MEGF9: variants seen among roughly 807,000 people sequenced by gnomAD.
MEGF9 encodes multiple epidermal growth factor-like domains protein 9.
MEGF9 carries 6 observed loss-of-function variants against 46.8 expected under a neutral mutation model. That is an observed-to-expected ratio of 0.13 (90% CI 0.07 to 0.25). The LOEUF (loss-of-function observed/expected upper bound fraction) is 0.25. MEGF9 is among the 10% of genes least tolerant of loss of function. MEGF9 has a pLI of 1.00. For synonymous variants in MEGF9, 302 were observed against 330.7 expected (o/e 0.91, Z 0.94); for missense variants, 683 against 792.4 (o/e 0.86, Z 1.66).
intron 1 of MEGF9, among the ~76,000 whole-genome samples, chr9:120,673,830 C>T (rs1405079431): frequency 1.3e-5 from 2 of 151,802 alleles, no homozygotes; most frequent in East Asian, 1.9e-4. Flanking sequence ...ATTAGCTGGG[C>T]GCGGTGGCAG....
intron 1 of MEGF9, among the ~76,000 whole-genome samples, chr9:120,682,206 A>C (rs1286531769): frequency 1.3e-5 from 2 of 152,208 alleles, no homozygotes; most frequent in Non-Finnish European, 2.9e-5. Context: ...CAAAATACCC[A>C]AAATAATTCA....
At chr9:120,708,236 G>A (rs1193849571) in intron 1 of MEGF9, among the ~76,000 whole-genome samples, 2 of 151,658 alleles carry the variant, frequency 1.3e-5, no homozygotes, top group Non-Finnish European at 2.9e-5. Context: ...GTGGCGGCAT[G>A]CGCCTGTAGT....
In MEGF9 at chr9:120,605,941, A is replaced by G. The variant is rs1448805964; in HGVS notation, c.1358-300T>C. 6.6e-6 allele frequency among the ~76,000 whole-genome samples: 1 copy of G among 152,058 alleles called. No homozygotes were observed. Among genetic ancestry groups the G allele is most frequent in the African/African-American group, 2.4e-5 (1 of 41,406 alleles). On this transcript the variant is annotated intron_variant, in intron 5 of 5. Transcript: ENST00000373930. This position sits in a 1 kb window ranked among gnomAD's most constrained non-coding sequence, Gnocchi z 4.0. ...GTAATCCCAGCACTTTGGGCGGCCG[A>G]GGGTGGTGGATCACGAGGTCAGGAG...
chr9:120,632,715 G>T (rs1379917701), intron 2 of MEGF9, among the ~76,000 whole-genome samples: 2 of 152,186 alleles, frequency 1.3e-5, no homozygotes, highest in Non-Finnish European at 2.9e-5. Context: ...CACTCTGTAT[G>T]ATGCTGGCTG....
At chr9:120,606,617 T>G (rs141209634) in intron 5 of MEGF9, among the ~76,000 whole-genome samples, 84 of 152,312 alleles carry the variant, frequency 5.5e-4, no homozygotes, top group African/African-American at 1.9e-3. Context: ...TGGAATCAAA[T>G]AGAAGTGTGT....
At chr9:120,698,165 T>C (rs2043886977) in intron 1 of MEGF9, among the ~76,000 whole-genome samples, 1 of 152,352 alleles carries the variant, frequency 6.6e-6, no homozygotes, top group African/African-American at 2.4e-5. Flanking sequence ...TAATAGGTTA[T>C]AATAGGTGTA....
At chr9:120,625,068 G>A (rs2132305344) in intron 2 of MEGF9, among the ~76,000 whole-genome samples, 1 of 152,220 alleles carries the variant, frequency 6.6e-6, no homozygotes, top group Non-Finnish European at 1.5e-5. Flanking sequence ...GAGCCCAGGA[G>A]TTCTAGGCTG....
intron 1 of MEGF9, among the ~76,000 whole-genome samples, chr9:120,706,328 G>A (rs2043928769): frequency 6.6e-6 from 1 of 152,036 alleles, no homozygotes; most frequent in Admixed American, 6.6e-5. Context: ...TAATGTTCTG[G>A]AGTTTATGCT....
rs1001905763 is a variant in MEGF9, at chr9:120,604,580, A to G, written c.*610T>C. The stretch of plus-strand genomic sequence containing the variant: ...CTCCCCAATGCTGCCTTCCTCCCTT[A>G]GAAGCTTATCCTGTGCTTTCAACTC... On this transcript the variant is annotated 3_prime_UTR_variant, in exon 6 of 6. Transcript: ENST00000373930. 1 of 153,536 alleles carries G rather than the reference A, an allele frequency of 6.5e-6. No homozygotes were observed. Among genetic ancestry groups the G allele is most frequent in the African/African-American group, 2.4e-5 (1 of 41,428 alleles). The allele number at this position is 153,536 out of a possible 1,614,324, so 9.5% of individuals were successfully genotyped here. A position where few individuals can be genotyped will look rare whatever the true frequency, so the allele number is the denominator to read the frequency against.
rs2043967622 is a variant in MEGF9 at position 120,714,179 on chromosome 9, C to G, written c.180G>C (p.Arg60=). ...TAGGGAAGGGGTGGCTGGGCTCGCC[C>G]CGCAACCCGGGGCCCGGCGACGCGT... ...QVDASPGPGL[R]GEPSHPFPRA... Residue 60 remains arginine, a synonymous_variant, in exon 1 of 6, where the codon CGG becomes CGC. Coordinates refer to ENST00000373930, the MANE Select transcript of MEGF9 (RefSeq NM_001080497.3). 1 of 1,235,452 alleles carries G rather than the reference C, an allele frequency of 8.1e-7. No homozygotes were observed. Among genetic ancestry groups the G allele is most frequent in the African/African-American group, 1.6e-5 (1 of 64,304 alleles). 76.5% of individuals were successfully genotyped at this position (1,235,452 alleles called of 1,614,324 possible).
chr9:120,638,788 T>C (rs995674524), intron 2 of MEGF9, among the ~76,000 whole-genome samples: 2 of 152,210 alleles, frequency 1.3e-5, no homozygotes, highest in African/African-American at 4.8e-5. Flanking sequence ...CCATTTGAGT[T>C]TCCTCTTTTA....
At chr9:120,662,249 T>C (rs957468112) in intron 1 of MEGF9, among the ~76,000 whole-genome samples, 2 of 152,228 alleles carry the variant, frequency 1.3e-5, no homozygotes, top group African/African-American at 2.4e-5. Context: ...CAGTCTAATA[T>C]CTTCATTATT....
At chr9:120,712,512 G>A (rs2043958452) in intron 1 of MEGF9, among the ~76,000 whole-genome samples, 1 of 152,154 alleles carries the variant, frequency 6.6e-6, no homozygotes, top group African/African-American at 2.4e-5. Context: ...GCCAAAAGGG[G>A]TTACAGGTAA....
rs529606105 is a variant in MEGF9 at position 120,652,839 on chromosome 9, A to G, written c.803+6535T>C. The stretch of plus-strand genomic sequence containing the variant: ...ACCTTATTGTGTTACCAAGCACTAG[A>G]TCTTTATTCTTCTATCTAACTGTAT... On this transcript the variant is annotated intron_variant, in intron 2 of 5. Transcript: ENST00000373930. Among the ~76,000 whole-genome samples the G allele has an allele frequency of 1.4e-4, 22 of 152,286 alleles. 1 individual carries two copies. The highest frequency in any genetic ancestry group is 4.3e-4 in the African/African-American group (18 of 41,568).
intron 2 of MEGF9, among the ~76,000 whole-genome samples, chr9:120,629,430 A>C (rs1200448547): frequency 6.6e-6 from 1 of 152,150 alleles, no homozygotes; most frequent in African/African-American, 2.4e-5. Flanking sequence ...ACTTGAAGCC[A>C]GGAGTTCGAG....
At chr9:120,708,944 C>T (rs932718188) in intron 1 of MEGF9, among the ~76,000 whole-genome samples, 1 of 152,082 alleles carries the variant, frequency 6.6e-6, no homozygotes, top group Non-Finnish European at 1.5e-5. Flanking sequence ...TCTTAATGGG[C>T]TCAATGAGTC....
chr9:120,651,497 A>T (rs2043649255), intron 2 of MEGF9, among the ~76,000 whole-genome samples: 1 of 152,150 alleles, frequency 6.6e-6, no homozygotes, highest in South Asian at 2.1e-4. Flanking sequence ...TCCTGTACAA[A>T]TGAGAATAAT....
intron 3 of MEGF9, among the ~76,000 whole-genome samples, chr9:120,618,800 T>C (rs937913962): frequency 6.6e-6 from 1 of 151,118 alleles, no homozygotes; most frequent in Non-Finnish European, 1.5e-5. Flanking sequence ...CTTGGGAGGC[T>C]GAAGCAGAAG....
intron 2 of MEGF9, among the ~76,000 whole-genome samples, chr9:120,637,375 C>T (rs189353807): frequency 1.0e-3 from 156 of 151,742 alleles, no homozygotes; most frequent in Non-Finnish European, 1.9e-3. Context: ...CGTCCTATGA[C>T]CCTGCCAAAT....
Sources: gnomAD v4.1 joint callset for allele counts (sites outside exome capture counted in the v4.1 genomes callset) on GRCh38, gnomAD v4.1.1 for gene constraint, Gnocchi (gnomAD v3.1) non-coding constraint, MANE v1.5 for transcripts, NCBI Gene and HGNC (gene_info 2026-07-23, HGNC 2026-07-21) for gene names.